ZNF789: variants seen among roughly 807,000 people sequenced by gnomAD.
The protein encoded by ZNF789 is zinc finger protein 789.
Under a neutral mutation model 15.6 loss-of-function variants are expected in ZNF789, and 11 were observed. The ratio of observed to expected loss-of-function variants is 0.70; its 90% CI spans 0.44 to 1.16. ZNF789 has a LOEUF of 1.16. ZNF789 is among the 50% of genes most tolerant of loss of function. The pLI, the probability that ZNF789 is intolerant of heterozygous loss-of-function variation, is 0.00. For synonymous variants in ZNF789, 159 were observed against 176.0 expected, an observed-to-expected ratio of 0.90 and a Z score of 0.76; for missense variants, 461 against 512.6, an observed-to-expected ratio of 0.90 and a Z score of 0.97.
At position 99,479,797 on chromosome 7, in the gene ZNF789, G is replaced by A. The variant is rs575408794; in HGVS notation, c.151+10G>A. 1.6e-5 allele frequency: 26 copies of A among 1,611,154 alleles called. No individual in the cohort carries two copies. The African/African-American group carries it at 1.9e-4, about 12-fold the overall frequency. ...AACATGGTCTTGCTGGGTAGGACAC[G>A]GCTTGAAGATTGGGCTTTGTCTGTG... On this transcript the variant is annotated intron_variant, in intron 3 of 4. Coordinates refer to ENST00000331410, the MANE Select transcript of ZNF789 (RefSeq NM_213603.3).
chr7:99,477,506 A>G (rs1799397804), intron 2 of ZNF789, among the ~76,000 whole-genome samples: 1 of 117,588 alleles, frequency 8.5e-6, no homozygotes, highest in Admixed American at 7.5e-5. Context: ...ACGCCTGGTT[A>G]CTTTTGTATT....
Position 99,479,687 on chromosome 7 carries a change from G to A in ZNF789, c.51G>A (p.Ala17=), listed in dbSNP as rs1454799502. ...AGCTGCTCTCGTTTGAGGATGTGGC[G>A]ATGTACTTCACCAGAGAGGAGTGGG... is the stretch of plus-strand genomic sequence containing the variant. ...GKELLSFEDV[A]MYFTREEWGH... is the part of the protein sequence containing the mutation. Residue 17 remains alanine (A), a synonymous_variant, in exon 3 of 5, where the codon GCG becomes GCA. Transcript: ENST00000331410. The A allele has an allele frequency of 8.1e-6, 13 of 1,609,078 alleles. No individual in the cohort carries two copies. The highest frequency in any genetic ancestry group is 2.2e-5 in the South Asian group (2 of 90,420).
At chr7:99,486,378 T>G in intron 4 of ZNF789, 98 bp from the exon 5 acceptor site, 2 of 1,201,956 alleles carry the variant, frequency 1.7e-6, no homozygotes, top group Admixed American at 5.7e-5. Context: ...ACTTCTTAGC[T>G]TCATTTGATT....
intron 2 of ZNF789, chr7:99,478,265 C>T (rs1799436112): frequency 7.8e-7 from 1 of 1,288,136 alleles, no homozygotes; most frequent in Non-Finnish European, 1.0e-6. Flanking sequence ...GCTTGTTAAC[C>T]TTGTGCAGGT....
Position 99,486,666 on chromosome 7 carries a change from G to C in ZNF789, c.456G>C (p.Arg152Ser), listed in dbSNP as rs139820028. Reference sequence around the variant, plus strand: ...CTACTAGTGGTGATGAATACAGCAGGGGCTTCCTTCAAAACCTTAACCTTA... The same window carrying C: ...CTACTAGTGGTGATGAATACAGCAGCGGCTTCCTTCAAAACCTTAACCTTA... ...TFPTSGDEYS[R>S]GFLQNLNLIQ... The change falls in exon 5 of 5, where the codon AGG (arginine) becomes AGC (serine). Residue 152 changes from arginine (R) to serine (S), a missense_variant. Physicochemically the swap from Arg to Ser is moderately radical, Grantham distance 110. Coordinates refer to ENST00000331410, the MANE Select transcript of ZNF789 (RefSeq NM_213603.3). 44 of 1,614,018 alleles carry C rather than the reference G, an allele frequency of 2.7e-5. No individual in the cohort carries two copies. Among genetic ancestry groups the C allele is most frequent in the African/African-American group, 4.0e-5 (3 of 74,894 alleles).
chr7:99,476,205 C>T (rs1799326152), intron 1 of ZNF789, 198 bp from the exon 2 acceptor site: 2 of 505,238 alleles, frequency 4.0e-6, no homozygotes, highest in Non-Finnish European at 7.0e-6. Context: ...TGCAGGTTCT[C>T]TTGGATGGAG....
intron 4 of ZNF789, chr7:99,485,328 C>T: frequency 9.9e-7 from 1 of 1,011,384 alleles, no homozygotes; most frequent in Non-Finnish European, 1.5e-6. Flanking sequence ...TGAGTAGCAG[C>T]CCTGGCCTGC....
chr7:99,475,709 GA>G (rs1469504355), intron 1 of ZNF789, among the ~76,000 whole-genome samples: 11 of 152,036 alleles, frequency 7.2e-5, no homozygotes, highest in African/African-American at 2.7e-4. Context: ...AGCTGTTATT[GA>G]TCAAGTCCTG....
chr7:99,484,256 C>A, intron 4 of ZNF789, 113 bp downstream of exon 4: 1 of 751,278 alleles, frequency 1.3e-6, no homozygotes, highest in Non-Finnish European at 2.2e-6. Flanking sequence ...ATATATTATC[C>A]CACTTCTTCA....
At chr7:99,486,279 C>T (rs1799941072) in intron 4 of ZNF789, among the ~76,000 whole-genome samples, 197 bp from the exon 5 acceptor site, 1 of 152,146 alleles carries the variant, frequency 6.6e-6, no homozygotes, top group Non-Finnish European at 1.5e-5. Context: ...CATGCCACTG[C>T]ACTCTAGCCT....
In ZNF789 at chr7:99,487,224, G is replaced by A. The variant is rs146075689; in HGVS notation, c.1014G>A (p.Pro338=). 2.8e-4 allele frequency: 449 copies of A among 1,614,134 alleles called. 3 individuals are homozygous for A. In the South Asian group the frequency reaches 3.9e-3, roughly 14 times the overall value. Residue 338 remains proline (P), a synonymous_variant, in exon 5 of 5, where the codon CCG becomes CCA. Coordinates refer to ENST00000331410, the MANE Select transcript of ZNF789 (RefSeq NM_213603.3). ...LLCHQQIHSK[P]NTHKCSECGQ... is the part of the protein sequence containing the mutation. ...GTCATCAACAGATTCACAGTAAACCGAACACCCATAAATGCAGTGAATGTG... is the reference window on the plus strand; with the variant it reads ...GTCATCAACAGATTCACAGTAAACCAAACACCCATAAATGCAGTGAATGTG...
intron 2 of ZNF789, among the ~76,000 whole-genome samples, chr7:99,476,772 ACT>A (rs1458989880): frequency 6.6e-6 from 1 of 152,172 alleles, no homozygotes; most frequent in Non-Finnish European, 1.5e-5. Flanking sequence ...CTCGTTTAGC[ACT>A]GTGTTAAGTT....
In ZNF789 at chr7:99,487,523, C is replaced by T. The variant is rs1562890133; in HGVS notation, c.*35C>T. The T allele has an allele frequency of 6.4e-7, 1 of 1,572,648 alleles. No homozygotes were observed. The highest frequency in any genetic ancestry group is 8.6e-7 in the Non-Finnish European group (1 of 1,159,808). On this transcript the variant is annotated 3_prime_UTR_variant, in exon 5 of 5. Coordinates refer to ENST00000331410, the MANE Select transcript of ZNF789 (RefSeq NM_213603.3). ...GAAAGCAGTCATTGGAGAACTAGAACTTATAAACCTCTACTTCAAGTGTGT... is the reference window on the plus strand; with the variant it reads ...GAAAGCAGTCATTGGAGAACTAGAATTTATAAACCTCTACTTCAAGTGTGT...
intron 2 of ZNF789, chr7:99,478,447 C>A: frequency 9.3e-7 from 1 of 1,074,438 alleles, no homozygotes; most frequent in Non-Finnish European, 1.3e-6. Flanking sequence ...TGGTGCCTGC[C>A]TGCAGAGGGG....
At chr7:99,477,617 G>A (rs996308222) in intron 2 of ZNF789, among the ~76,000 whole-genome samples, 1 of 152,144 alleles carries the variant, frequency 6.6e-6, no homozygotes, top group African/African-American at 2.4e-5. Context: ...GGGAATCCAG[G>A]TGTGAGCCAC....
chr7:99,484,935 ACT>A (rs1799846863), intron 4 of ZNF789, among the ~76,000 whole-genome samples: 1 of 152,090 alleles, frequency 6.6e-6, no homozygotes, highest in Admixed American at 6.6e-5. Context: ...TGAAAAAAGA[ACT>A]CTCACAGTTG....
At chr7:99,478,285 CA>C (rs1483283032) in intron 2 of ZNF789, 1 of 1,289,156 alleles carries the variant, frequency 7.8e-7, no homozygotes, top group Non-Finnish European at 1.0e-6. Flanking sequence ...TGCGGGAATG[CA>C]GATGGCTGAG....
At chr7:99,484,473 A>T (rs1341255484) in intron 4 of ZNF789, among the ~76,000 whole-genome samples, 2 of 152,174 alleles carry the variant, frequency 1.3e-5, no homozygotes, top group African/African-American at 4.8e-5. Flanking sequence ...TATAAAAATT[A>T]GCCCCGCGTA....
Position 99,486,963 on chromosome 7 carries a change from C to A in ZNF789, c.753C>A (p.His251Gln). 3.7e-6 allele frequency: 6 copies of A among 1,614,150 alleles called. No individual in the cohort carries two copies. The highest frequency in any genetic ancestry group is 5.1e-6 in the Non-Finnish European group (6 of 1,180,048). The stretch of plus-strand genomic sequence containing the variant: ...CTCTTACGGTCCATAAACAGTGTCA[C>A]CTGCAAAACAAGCCATACAGATGTC... ...RSALTVHKQC[H>Q]LQNKPYRCHD... Residue 251 changes from histidine to glutamine, a missense_variant, in exon 5 of 5, where the codon CAC becomes CAA. By Grantham distance (24) the His-to-Gln change is conservative (BLOSUM62 0). Coordinates refer to ENST00000331410, the MANE Select transcript of ZNF789 (RefSeq NM_213603.3).
Sources: allele counts gnomAD v4.1 joint callset (sites outside exome capture counted in the v4.1 genomes callset), GRCh38; gene constraint gnomAD v4.1.1; transcripts MANE v1.5; gene names NCBI Gene and HGNC (gene_info 2026-07-23, HGNC 2026-07-21).